The following TRPC4 variants were observed in gnomAD, a reference collection of about 807,000 sequenced individuals.
TRPC4 encodes the protein short transient receptor potential channel 4.
In TRPC4, 49 loss-of-function variants were observed where a neutral mutation model predicts 99.4. The observed-to-expected ratio is 0.49, with a 90% CI of 0.39 to 0.63. The LOEUF is 0.63. Ranked by LOEUF, TRPC4 falls within the 20% of genes least tolerant of loss-of-function variation. The pLI is 0.00. For missense variants in TRPC4, 898 were observed against 1,152.9 expected (o/e 0.78, Z 3.20); for synonymous variants, 454 against 425.9 (o/e 1.07, Z -0.81).
Position 37,679,124 on chromosome 13 carries a change from G to A in TRPC4, c.1235-4757C>T, listed in dbSNP as rs957382181. Among the ~76,000 whole-genome samples, 7 of 152,142 alleles carry A rather than the reference G, an allele frequency of 4.6e-5. No homozygotes were observed. In the South Asian group the frequency reaches 1.5e-3, roughly 32 times the overall value. Reference sequence around the variant, plus strand: ...AAATTTATAACTACTTTTCTGTAAAGGGCCAGAGAACAAATAATTTAGGCT... The same window carrying A: ...AAATTTATAACTACTTTTCTGTAAAAGGCCAGAGAACAAATAATTTAGGCT... On this transcript the variant is annotated intron_variant, in intron 4 of 10. Coordinates refer to ENST00000379705, the MANE Select transcript of TRPC4 (RefSeq NM_016179.4).
chr13:37,805,739 A>G (rs1181218174), intron 1 of TRPC4, among the ~76,000 whole-genome samples: 1 of 152,030 alleles, frequency 6.6e-6, no homozygotes, highest in Admixed American at 6.6e-5. Flanking sequence ...AGGGCCTTGT[A>G]CTTTAGATTT....
chr13:37,755,557 C>G (rs189291403), intron 2 of TRPC4, among the ~76,000 whole-genome samples: 1 of 152,064 alleles, frequency 6.6e-6, no homozygotes, highest in East Asian at 1.9e-4. Flanking sequence ...ACAAGCATAG[C>G]ACCACCACGC....
At chr13:37,854,296 A>C (rs911630969) in intron 1 of TRPC4, among the ~76,000 whole-genome samples, 1 of 152,170 alleles carries the variant, frequency 6.6e-6, no homozygotes, top group Non-Finnish European at 1.5e-5. Context: ...CGAACGAAAA[A>C]TAAAATTATC....
rs186152757 is a variant in TRPC4 at position 37,641,185 on chromosome 13, C to G, written c.2080-1886G>C. Among the ~76,000 whole-genome samples the G allele has an allele frequency of 3.0e-3, 452 of 151,998 alleles. 3 individuals are homozygous for G. Among genetic ancestry groups the G allele is most frequent in the African/African-American group, 0.011 (436 of 41,470 alleles). On this transcript the variant is annotated intron_variant, in intron 8 of 10. Coordinates refer to ENST00000379705, the MANE Select transcript of TRPC4 (RefSeq NM_016179.4). ...CATCCAACGTCAAAAAATTTTAATA[C>G]AAATATAAAAAGGTCAAAGACTACA...
chr13:37,729,134 C>A (rs1208822398), intron 3 of TRPC4, among the ~76,000 whole-genome samples: 1 of 152,002 alleles, frequency 6.6e-6, no homozygotes, highest in East Asian at 1.9e-4. Context: ...GATCTAACAC[C>A]AAACACACAG....
intron 3 of TRPC4, among the ~76,000 whole-genome samples, chr13:37,706,391 G>C (rs909145918): frequency 1.3e-5 from 2 of 152,126 alleles, no homozygotes; most frequent in African/African-American, 4.8e-5. Flanking sequence ...AATAGTCTAG[G>C]CAGCTTCCCA....
At chr13:37,649,336 A>C (rs1010626579) in intron 8 of TRPC4, among the ~76,000 whole-genome samples, 3 of 152,148 alleles carry the variant, frequency 2.0e-5, no homozygotes, top group Admixed American at 6.5e-5. Flanking sequence ...CTCTCATTAA[A>C]ATTGGTGCCC....
intron 1 of TRPC4, among the ~76,000 whole-genome samples, chr13:37,843,201 T>C (rs1396594133): frequency 6.6e-6 from 1 of 152,182 alleles, no homozygotes; most frequent in Non-Finnish European, 1.5e-5. Flanking sequence ...ATCTGTATAG[T>C]AGGAATGATG....
At chr13:37,642,129 G>A (rs1951732716) in intron 8 of TRPC4, among the ~76,000 whole-genome samples, 1 of 152,258 alleles carries the variant, frequency 6.6e-6, no homozygotes, top group Non-Finnish European at 1.5e-5. Context: ...TTTAGAGGTA[G>A]GAAACTTGCA....
At chr13:37,737,553 G>A (rs1221362803) in intron 3 of TRPC4, among the ~76,000 whole-genome samples, 2 of 152,038 alleles carry the variant, frequency 1.3e-5, no homozygotes, top group Non-Finnish European at 2.9e-5. Flanking sequence ...GCTCACTGCA[G>A]CCTCAACCTG....
At chr13:37,811,889 G>T (rs530444766) in intron 1 of TRPC4, among the ~76,000 whole-genome samples, 1 of 152,202 alleles carries the variant, frequency 6.6e-6, no homozygotes, top group African/African-American at 2.4e-5. Context: ...CTGGCCAGGT[G>T]TGGTGGCTCA....
rs531115551 is a variant in TRPC4, at chr13:37,770,848, C to T, written c.378+12108G>A. Among the ~76,000 whole-genome samples the T allele has an allele frequency of 1.5e-4, 22 of 151,578 alleles. 1 individual carries two copies. Among genetic ancestry groups the T allele is most frequent in the African/African-American group, 4.8e-4 (20 of 41,444 alleles). On this transcript the variant is annotated intron_variant, in intron 2 of 10. Coordinates refer to ENST00000379705, the MANE Select transcript of TRPC4 (RefSeq NM_016179.4). ...GTATCGTATTCTGCAATGGACTATC[C>T]GCCTAATATGACAATCTACTACACT...
At chr13:37,688,989 AATATAGTCATCAAATC>A (rs1438086918) in intron 4 of TRPC4, among the ~76,000 whole-genome samples, 4 of 152,188 alleles carry the variant, frequency 2.6e-5, no homozygotes, top group South Asian at 4.1e-4. Flanking sequence ...AGGATTCATT[AATATAGTCATCAAATC>A]AGACTGTGCA....
intron 1 of TRPC4, among the ~76,000 whole-genome samples, chr13:37,847,794 T>C (rs1408238641): frequency 6.6e-6 from 1 of 152,148 alleles, no homozygotes. Flanking sequence ...AAGTGGACCT[T>C]ATGAAGTCCA....
At chr13:37,864,736 G>C (rs935528232) in intron 1 of TRPC4, among the ~76,000 whole-genome samples, 2 of 151,440 alleles carry the variant, frequency 1.3e-5, no homozygotes, top group South Asian at 2.1e-4. Flanking sequence ...TTTATACTTG[G>C]GACATCTGGA....
intron 3 of TRPC4, among the ~76,000 whole-genome samples, chr13:37,717,013 G>C (rs967518089): frequency 3.3e-5 from 5 of 152,112 alleles, no homozygotes; most frequent in Admixed American, 1.3e-4. Context: ...TGGCGACCTA[G>C]AGTAAGTGTG....
intron 3 of TRPC4, among the ~76,000 whole-genome samples, chr13:37,729,154 G>A (rs374084107): frequency 3.7e-4 from 56 of 152,108 alleles, no homozygotes; most frequent in African/African-American, 1.3e-3. Flanking sequence ...GGTGAAAAAA[G>A]AAAATGGGCA....
At chr13:37,803,047 T>G (rs1434499854) in intron 1 of TRPC4, among the ~76,000 whole-genome samples, 1 of 152,138 alleles carries the variant, frequency 6.6e-6, no homozygotes, top group Non-Finnish European at 1.5e-5. Flanking sequence ...AGTTATAACC[T>G]GATACTATTA....
chr13:37,668,689 C>T (rs566437910), intron 5 of TRPC4, among the ~76,000 whole-genome samples: 5 of 152,116 alleles, frequency 3.3e-5, no homozygotes, highest in African/African-American at 1.2e-4. Flanking sequence ...CCTCTGTAGT[C>T]TCTGATGCAT....
Sources: gnomAD v4.1 joint callset for allele counts (sites outside exome capture counted in the v4.1 genomes callset) on GRCh38, gnomAD v4.1.1 for gene constraint, MANE v1.5 for transcripts, NCBI Gene and HGNC (gene_info 2026-07-23, HGNC 2026-07-21) for gene names.